SCMH1: variants seen among roughly 807,000 people sequenced by gnomAD.
The protein encoded by SCMH1 is polycomb protein SCMH1.
A neutral mutation model predicts 70.8 loss-of-function variants in SCMH1; 37 were observed. The ratio of observed to expected loss-of-function variants is 0.52; its 90% CI spans 0.40 to 0.69. The LOEUF is 0.69. Among genes scored for constraint, SCMH1 ranks in the 30% least tolerant of loss-of-function variants. The probability of loss-of-function intolerance (pLI) is 0.00; values close to 1 mark genes in which losing one functional copy is unlikely to be tolerated. For synonymous variants in SCMH1, 292 were observed against 307.4 expected, an observed-to-expected ratio of 0.95 and a Z score of 0.52; for missense variants, 607 against 827.3, an observed-to-expected ratio of 0.73 and a Z score of 3.27.
chr1:41,150,082 C>T (rs1644929228), intron 5 of SCMH1, among the ~76,000 whole-genome samples: 1 of 152,076 alleles, frequency 6.6e-6, no homozygotes, highest in African/African-American at 2.4e-5. Context: ...AACATGAGTT[C>T]CCTTTCCCTG....
chr1:41,046,271 AG>A (rs1646883139), intron 12 of SCMH1, 135 bp downstream of exon 12: 1 of 659,124 alleles, frequency 1.5e-6, no homozygotes, highest in South Asian at 2.2e-5. Context: ...GATATGGCAA[AG>A]GTAAGGGACA....
intron 8 of SCMH1, among the ~76,000 whole-genome samples, chr1:41,092,508 C>A (rs369825126): frequency 6.6e-6 from 1 of 152,070 alleles, no homozygotes; most frequent in Non-Finnish European, 1.5e-5. Context: ...GCAACAAAAG[C>A]CAAAATTGAC....
At chr1:41,176,327 C>T (rs892666840) in intron 2 of SCMH1, among the ~76,000 whole-genome samples, 1 of 152,072 alleles carries the variant, frequency 6.6e-6, no homozygotes, top group African/African-American at 2.4e-5. Flanking sequence ...GCATGAGCGA[C>T]ACAGAAGACC....
chr1:41,110,419 T>C (rs1315918830), intron 8 of SCMH1, among the ~76,000 whole-genome samples: 1 of 152,194 alleles, frequency 6.6e-6, no homozygotes, highest in Non-Finnish European at 1.5e-5. Flanking sequence ...TTCATTATCC[T>C]CAAAAGAAAC....
At chr1:41,116,815 C>T (rs1167642019) in intron 7 of SCMH1, 107 bp downstream of exon 7, 2 of 781,284 alleles carry the variant, frequency 2.6e-6, no homozygotes, top group Non-Finnish European at 2.0e-6. Flanking sequence ...TCCTTCTGAA[C>T]TAATTTCTGA....
rs55721560 is a variant in SCMH1 at position 41,087,937 on chromosome 1, G to GGTGTGTGTGTGTGTGTGTGTGTGT, written c.746-12510_746-12487dup. On this transcript the variant is annotated intron_variant, in intron 8 of 14. Coordinates refer to ENST00000337495, the Ensembl canonical transcript of SCMH1. ...AATCTATACACTATATATAGTTTCT[G>GGTGTGTGTGTGTGTGTGTGTGTGT]GTGTGTGTGTGTGTGTGTGTGTGTG... Among the ~76,000 whole-genome samples the GGTGTGTGTGTGTGTGTGTGTGTGT allele has an allele frequency of 9.3e-3, 1,300 of 139,880 alleles. 20 individuals carry two copies. Among genetic ancestry groups the GGTGTGTGTGTGTGTGTGTGTGTGT allele is most frequent in the African/African-American group, 0.021 (762 of 36,674 alleles). The allele number at this position is 139,880 out of a possible 152,430, so 91.8% of individuals were successfully genotyped here. A position where few individuals can be genotyped will look rare whatever the true frequency, so the allele number is the denominator to read the frequency against.
At position 41,181,755 on chromosome 1, in the gene SCMH1, T is replaced by G. The variant is rs542352901; in HGVS notation, c.13+4366A>C. ...AACACTTTTACACTGTTGGTGGGAC[T>G]GTAAACTAGTTCAACCCTTGTGGAA... On this transcript the variant is annotated intron_variant, in intron 2 of 14. Coordinates refer to ENST00000337495, the Ensembl canonical transcript of SCMH1. 2.6e-5 allele frequency among the ~76,000 whole-genome samples: 4 copies of G among 152,364 alleles called. No individual in the cohort carries two copies. In the East Asian group the frequency reaches 7.7e-4, roughly 29 times the overall value.
intron 10 of SCMH1, among the ~76,000 whole-genome samples, chr1:41,049,455 T>A (rs921980672): frequency 2.0e-5 from 3 of 151,524 alleles, no homozygotes; most frequent in Admixed American, 1.3e-4. Flanking sequence ...ATAATAAAAA[T>A]TTTAAAAAAA....
At chr1:41,047,411 T>TTTG (rs1647000803) in intron 11 of SCMH1, among the ~76,000 whole-genome samples, 1 of 149,788 alleles carries the variant, frequency 6.7e-6, no homozygotes, top group Non-Finnish European at 1.5e-5. Context: ...TTTTTTTTTT[T>TTTG]TTTGAGACGG....
chr1:41,071,189 C>T (rs1656364719), intron 9 of SCMH1, among the ~76,000 whole-genome samples: 2 of 152,174 alleles, frequency 1.3e-5, no homozygotes, highest in Admixed American at 1.3e-4. Context: ...CTGCCATTCC[C>T]TTAAATCTCC....
intron 2 of SCMH1, among the ~76,000 whole-genome samples, chr1:41,166,856 C>T (rs566624496): frequency 2.6e-5 from 4 of 152,212 alleles, no homozygotes; most frequent in Admixed American, 6.5e-5. Flanking sequence ...CCTAATTGCT[C>T]GGGCTAGGAC....
At chr1:41,233,777 G>T (rs1479357588) in intron 1 of SCMH1, among the ~76,000 whole-genome samples, 7 of 152,034 alleles carry the variant, frequency 4.6e-5, no homozygotes, top group Non-Finnish European at 8.8e-5. Context: ...ACTTACCGTT[G>T]TTCTCTTGGC....
intron 8 of SCMH1, among the ~76,000 whole-genome samples, chr1:41,082,025 G>C (rs368623918): frequency 6.6e-6 from 1 of 152,132 alleles, no homozygotes; most frequent in Admixed American, 6.5e-5. Flanking sequence ...AATTAAACTT[G>C]AGTTCTATTT....
intron 4 of SCMH1, among the ~76,000 whole-genome samples, chr1:41,155,984 C>CAAAAAAAAAAAAAAAAA (rs386366781): frequency 2.0e-4 from 15 of 74,626 alleles, no homozygotes; most frequent in African/African-American, 9.1e-4. Context: ...GACTCCGTCT[C>CAAAAAAAAAAAAAAAAA]AAAAAAAAAA....
chr1:41,119,108 T>C (rs1016471031), intron 6 of SCMH1, among the ~76,000 whole-genome samples: 1 of 152,176 alleles, frequency 6.6e-6, no homozygotes, highest in Non-Finnish European at 1.5e-5. Flanking sequence ...ATTCAGGCAA[T>C]CTGACTCCTG....
intron 8 of SCMH1, among the ~76,000 whole-genome samples, chr1:41,089,099 T>A (rs1389055682): frequency 1.3e-5 from 2 of 152,250 alleles, no homozygotes; most frequent in Non-Finnish European, 2.9e-5. Flanking sequence ...GCTGCTGGTC[T>A]GGGGACCACA....
At chr1:41,213,649 T>C (rs528747832) in intron 1 of SCMH1, among the ~76,000 whole-genome samples, 5 of 152,326 alleles carry the variant, frequency 3.3e-5, no homozygotes, top group African/African-American at 1.2e-4. Flanking sequence ...ACCCGCTTTG[T>C]CCAATTCTAT....
intron 2 of SCMH1, among the ~76,000 whole-genome samples, chr1:41,180,945 C>G (rs868548571): frequency 6.6e-6 from 1 of 152,314 alleles, no homozygotes; most frequent in African/African-American, 2.4e-5. Flanking sequence ...TGACTTCAAA[C>G]TATACTACAA....
chr1:41,195,172 AATATT>A (rs1652730098), intron 1 of SCMH1, among the ~76,000 whole-genome samples: 1 of 151,164 alleles, frequency 6.6e-6, no homozygotes, highest in South Asian at 2.1e-4. Context: ...CCAGATAATA[AATATT>A]TGCAGCTTAC....
Sources: allele counts gnomAD v4.1 joint callset (sites outside exome capture counted in the v4.1 genomes callset), GRCh38; gene constraint gnomAD v4.1.1; transcripts MANE v1.5; gene names NCBI Gene and HGNC (gene_info 2026-07-23, HGNC 2026-07-21).